DCN: variants seen among roughly 807,000 people sequenced by gnomAD.
DCN encodes bone proteoglycan II.
In DCN, 17 loss-of-function variants were observed where a neutral mutation model predicts 36.5. The ratio of observed to expected loss-of-function variants is 0.47; its 90% CI spans 0.32 to 0.70. The LOEUF is 0.70. Ranked by LOEUF, DCN falls within the 30% of genes least tolerant of loss-of-function variation. DCN has a pLI of 0.04. For missense variants in DCN, 389 were observed against 430.1 expected, an observed-to-expected ratio of 0.90 and a Z score of 0.84; for synonymous variants, 163 against 161.4, an observed-to-expected ratio of 1.01 and a Z score of -0.07.
chr12:91,158,213 A>T, intron 4 of DCN, 83 bp downstream of exon 4: 1 of 866,808 alleles, frequency 1.2e-6, no homozygotes, highest in Non-Finnish European at 2.0e-6. Flanking sequence ...TAGCTAATTT[A>T]CCTTCCTGCA....
chr12:91,166,472 C>T (rs899429648), intron 2 of DCN, among the ~76,000 whole-genome samples: 1 of 152,150 alleles, frequency 6.6e-6, no homozygotes, highest in East Asian at 1.9e-4. Flanking sequence ...AATTGGTGTT[C>T]TCCAACCCAG....
chr12:91,148,721 CAAAAAAAAA>C lies in DCN; in HGVS notation c.886-2478_886-2470del, dbSNP rs5799978. Among the ~76,000 whole-genome samples the C allele has an allele frequency of 7.3e-4, 36 of 49,478 alleles. No individual in the cohort carries two copies. In the South Asian group the frequency reaches 0.035, roughly 47 times the overall value. 32.5% of individuals were successfully genotyped at this position (49,478 alleles called of 152,430 possible). ...GGTGACAGAGCGAGACGCTCCGACT[CAAAAAAAAA>C]AAAAAAAAAAAAAAAAAAATTTGAA... On this transcript the variant is annotated intron_variant, in intron 7 of 7. Coordinates refer to ENST00000052754, the MANE Select transcript of DCN (RefSeq NM_001920.5).
chr12:91,172,903 A>C, intron 2 of DCN: 1 of 589,470 alleles, frequency 1.7e-6, no homozygotes, highest in Non-Finnish European at 3.0e-6. Context: ...ATATAAAAAG[A>C]TAAAAGATAT....
At chr12:91,159,262 C>T (rs1174824033) in intron 3 of DCN, among the ~76,000 whole-genome samples, 1 of 152,032 alleles carries the variant, frequency 6.6e-6, no homozygotes, top group Non-Finnish European at 1.5e-5. Flanking sequence ...AAGGATGATA[C>T]CAATTTATGC....
rs1297418980 is a variant in DCN at position 91,164,460 on chromosome 12, A to T, written c.324+145T>A. The T allele has an allele frequency of 8.0e-5, 36 of 447,434 alleles. No individual in the cohort carries two copies. In the South Asian group the frequency reaches 1.2e-3, roughly 15 times the overall value. 27.7% of individuals were successfully genotyped at this position (447,434 alleles called of 1,614,324 possible). A position where few individuals can be genotyped will look rare whatever the true frequency, so the allele number is the denominator to read the frequency against. On this transcript the variant is annotated intron_variant, in intron 3 of 7. Transcript: ENST00000052754. Reference sequence around the variant, plus strand: ...TTTGGGGCAGAATTAATAAAAAAAAAGTAAAAAAAAAAAAAAAAGGTGAAG... The same window carrying T: ...TTTGGGGCAGAATTAATAAAAAAAATGTAAAAAAAAAAAAAAAAGGTGAAG...
At chr12:91,169,317 G>T (rs1018779385) in intron 2 of DCN, among the ~76,000 whole-genome samples, 1 of 137,092 alleles carries the variant, frequency 7.3e-6, no homozygotes, top group Non-Finnish European at 1.5e-5. Context: ...GGAGGTTGAG[G>T]CTACAGTGAG....
At chr12:91,168,566 G>C (rs1476289488) in intron 2 of DCN, among the ~76,000 whole-genome samples, 1 of 152,086 alleles carries the variant, frequency 6.6e-6, no homozygotes, top group Admixed American at 6.5e-5. Flanking sequence ...TAATTTTAAA[G>C]TCTATCTGCC....
At position 91,160,974 on chromosome 12, in the gene DCN, T is replaced by C. The variant is rs369892814; in HGVS notation, c.325-2465A>G. ...CATGATTCTGTTAAATTCTTTCTAT[T>C]TTAATCCTTGCTAAATTTTCATTTC... On this transcript the variant is annotated intron_variant, in intron 3 of 7. Coordinates refer to ENST00000052754, the MANE Select transcript of DCN (RefSeq NM_001920.5). Among the ~76,000 whole-genome samples the C allele has an allele frequency of 3.4e-4, 52 of 152,292 alleles. 3 individuals are homozygous for C. The South Asian group carries it at 0.01, about 30-fold the overall frequency.
chr12:91,145,742 T>C lies in DCN; in HGVS notation c.*316A>G, dbSNP rs1404501275. On this transcript the variant is annotated 3_prime_UTR_variant, in exon 8 of 8. Coordinates refer to ENST00000052754, the MANE Select transcript of DCN (RefSeq NM_001920.5). Reference sequence around the variant, plus strand: ...TACTCTTTTTATTTTTTCCTGGAAATTAAAAAAGAAAAGCTTTACTAAATA... The same window carrying C: ...TACTCTTTTTATTTTTTCCTGGAAACTAAAAAAGAAAAGCTTTACTAAATA... 3 of 416,630 alleles carry C rather than the reference T, an allele frequency of 7.2e-6. No individual in the cohort carries two copies. Among genetic ancestry groups the C allele is most frequent in the Non-Finnish European group, 1.4e-5 (3 of 219,936 alleles). 25.8% of individuals were successfully genotyped at this position (416,630 alleles called of 1,614,324 possible).
In DCN at chr12:91,143,960, G is replaced by A. The variant is rs2121109779; in HGVS notation, c.*2098C>T. The A allele has an allele frequency of 6.6e-6, 1 of 151,814 alleles. No individual in the cohort carries two copies. Among genetic ancestry groups the A allele is most frequent in the Admixed American group, 6.6e-5 (1 of 15,210 alleles). 9.4% of individuals were successfully genotyped at this position (151,814 alleles called of 1,614,324 possible). A position where few individuals can be genotyped will look rare whatever the true frequency, so the allele number is the denominator to read the frequency against. ...CAGGCCTGTTTCTCATTTTGATACT[G>A]AACAAAATTAGAAGTAGCTTGACTA... is the stretch of plus-strand genomic sequence containing the variant. On this transcript the variant is annotated 3_prime_UTR_variant, in exon 8 of 8. Coordinates refer to ENST00000052754, the MANE Select transcript of DCN (RefSeq NM_001920.5).
chr12:91,174,559 A>G (rs1347969649), intron 2 of DCN, among the ~76,000 whole-genome samples: 1 of 152,144 alleles, frequency 6.6e-6, no homozygotes, highest in Non-Finnish European at 1.5e-5. Flanking sequence ...ATGGTAAGTG[A>G]AATGTAAGTT....
Position 91,158,165 on chromosome 12 carries a change from G to C in DCN, c.538+131C>G, listed in dbSNP as rs1405280812. 4.5e-6 allele frequency: 3 copies of C among 667,616 alleles called. No homozygotes were observed. The African/African-American group carries it at 5.4e-5, about 12-fold the overall frequency. The allele number at this position is 667,616 out of a possible 1,614,324, so 41.4% of individuals were successfully genotyped here. ...CAAAATCCCAATTTCTCTTGGCCCT[G>C]TTCTTATAAATCACATAGGCTCCAG... is the stretch of plus-strand genomic sequence containing the variant. On this transcript the variant is annotated intron_variant, in intron 4 of 7. Coordinates refer to ENST00000052754, the MANE Select transcript of DCN (RefSeq NM_001920.5).
At chr12:91,158,837 C>A (rs941608607) in intron 3 of DCN, among the ~76,000 whole-genome samples, 1 of 151,900 alleles carries the variant, frequency 6.6e-6, no homozygotes. Context: ...TGGTGGGTGC[C>A]GGTAGTCCCG....
At chr12:91,178,060 A>C (rs1310028897) in intron 2 of DCN, among the ~76,000 whole-genome samples, 3 of 147,138 alleles carry the variant, frequency 2.0e-5, no homozygotes, top group Admixed American at 6.6e-5. Context: ...ATTTTGTAGA[A>C]GAAGGGATAT....
At chr12:91,177,629 AAAAGATGAT>A in intron 2 of DCN, 1 of 702,376 alleles carries the variant, frequency 1.4e-6, no homozygotes, top group Non-Finnish European at 2.6e-6. Context: ...AATTTTTCTG[AAAAGATGAT>A]AAATCAAACT....
intron 2 of DCN, among the ~76,000 whole-genome samples, chr12:91,169,053 AT>A (rs1319531665): frequency 2.0e-5 from 3 of 152,188 alleles, no homozygotes; most frequent in Admixed American, 6.5e-5. Flanking sequence ...AATCCTCTAA[AT>A]TCCAAAAGAA....
At chr12:91,166,145 A>G (rs1198182979) in intron 2 of DCN, among the ~76,000 whole-genome samples, 2 of 152,088 alleles carry the variant, frequency 1.3e-5, no homozygotes, top group African/African-American at 4.8e-5. Flanking sequence ...TCACTGCTCC[A>G]TTGATAGTTG....
In DCN at chr12:91,179,105, A is replaced by G. The variant is rs552200941; in HGVS notation, c.-33-520T>C. On this transcript the variant is annotated intron_variant, in intron 1 of 7. Coordinates refer to ENST00000052754, the MANE Select transcript of DCN (RefSeq NM_001920.5). ...CATCTCTGCCTTGCATATTTCCTCT[A>G]TTTCAGTCCATCTTCCATTTTGCTG... The G allele has an allele frequency of 1.9e-4, 31 of 160,788 alleles. 1 individual carries two copies. In the South Asian group the frequency reaches 5.3e-3, roughly 27 times the overall value. The allele number at this position is 160,788 out of a possible 1,614,324, so 10.0% of individuals were successfully genotyped here.
Position 91,171,495 on chromosome 12 carries a change from G to C in DCN, c.212-6778C>G, listed in dbSNP as rs111545654. ...TTCCTCTCTCTTCCCTTTGAATTCA[G>C]GATGGCCTTGTGATGCCTCTAGGAA... On this transcript the variant is annotated intron_variant, in intron 2 of 7. Coordinates refer to ENST00000052754, the MANE Select transcript of DCN (RefSeq NM_001920.5). Among the ~76,000 whole-genome samples, 3 of 152,224 alleles carry C rather than the reference G, an allele frequency of 2.0e-5. 1 individual carries two copies. Among genetic ancestry groups the C allele is most frequent in the African/African-American group, 7.2e-5 (3 of 41,532 alleles).
Sources: gnomAD v4.1 joint callset for allele counts (sites outside exome capture counted in the v4.1 genomes callset) on GRCh38, gnomAD v4.1.1 for gene constraint, MANE v1.5 for transcripts, NCBI Gene and HGNC (gene_info 2026-07-23, HGNC 2026-07-21) for gene names.